The following PIEZO2 variants were observed in gnomAD, a reference collection of about 807,000 sequenced individuals.
The protein encoded by PIEZO2 is piezo-type mechanosensitive ion channel component 2.
A neutral mutation model predicts 337.3 loss-of-function variants in PIEZO2; 172 were observed. That is an observed-to-expected ratio of 0.51 (90% CI 0.45 to 0.58). The LOEUF (loss-of-function observed/expected upper bound fraction) is 0.58. Ranked by LOEUF, PIEZO2 falls within the 20% of genes least tolerant of loss-of-function variation. The pLI, the probability that PIEZO2 is intolerant of heterozygous loss-of-function variation, is 0.00. For missense variants in PIEZO2, 3,028 were observed against 3,391.3 expected (o/e 0.89, Z 2.66); for synonymous variants, 1,251 against 1,228.5 (o/e 1.02, Z -0.38).
At position 10,748,950 on chromosome 18, in the gene PIEZO2, T is replaced by A. The variant is rs1017178133; in HGVS notation, c.4265-320A>T. On this transcript the variant is annotated intron_variant, in intron 29 of 55. Coordinates refer to ENST00000674853, the MANE Select transcript of PIEZO2 (RefSeq NM_001378183.1). The surrounding 1 kb of genome is among the most constrained non-coding windows in gnomAD (Gnocchi z 5.1). ...TCCAACAAAGGCCACAGAGAAATAA[T>A]GTCCCAGTGCCAGTGGAAATGCTCT... Among the ~76,000 whole-genome samples, 38 of 152,156 alleles carry A rather than the reference T, an allele frequency of 2.5e-4. No homozygotes were observed. Among genetic ancestry groups the A allele is most frequent in the African/African-American group, 8.7e-4 (36 of 41,520 alleles).
In PIEZO2 at chr18:11,027,592, C is replaced by G. The variant is rs1438670802; in HGVS notation, c.160+38535G>C. On this transcript the variant is annotated intron_variant, in intron 2 of 55. Transcript: ENST00000674853. This position sits in a 1 kb window ranked among gnomAD's most constrained non-coding sequence, Gnocchi z 4.2. ...TCTGTATGCTTCTGTTTGGTTTTAA[C>G]TGTAGAAAATTTAATTTAAATAACT... is the stretch of plus-strand genomic sequence containing the variant. 6.6e-6 allele frequency among the ~76,000 whole-genome samples: 1 copy of G among 152,110 alleles called. No homozygotes were observed. Among genetic ancestry groups the G allele is most frequent in the Non-Finnish European group, 1.5e-5 (1 of 68,030 alleles).
chr18:10,724,547 C>G lies in PIEZO2; in HGVS notation c.5030-6288G>C, dbSNP rs1177121404. 2 of 543,694 alleles carry G rather than the reference C, an allele frequency of 3.7e-6. No homozygotes were observed. The highest frequency in any genetic ancestry group is 3.8e-5 in the African/African-American group (2 of 52,890). 33.7% of individuals were successfully genotyped at this position (543,694 alleles called of 1,614,324 possible). On this transcript the variant is annotated intron_variant, in intron 36 of 55. Coordinates refer to ENST00000674853, the MANE Select transcript of PIEZO2 (RefSeq NM_001378183.1). The surrounding 1 kb of genome is among the most constrained non-coding windows in gnomAD (Gnocchi z 5.8). Reference sequence around the variant, plus strand: ...CCACTCATGCTGGTCTCCACATACCCTTCTGTGTCCCCAGAAGTCGACAGT... The same window carrying G: ...CCACTCATGCTGGTCTCCACATACCGTTCTGTGTCCCCAGAAGTCGACAGT...
intron 1 of PIEZO2, among the ~76,000 whole-genome samples, chr18:11,089,118 C>T (rs953347951): frequency 6.6e-6 from 1 of 152,130 alleles, no homozygotes; most frequent in Non-Finnish European, 1.5e-5. Flanking sequence ...AGGTCAGAAT[C>T]TTTGGGGCGG....
intron 7 of PIEZO2, among the ~76,000 whole-genome samples, chr18:10,814,725 T>A (rs1273020634): frequency 6.6e-6 from 1 of 152,082 alleles, no homozygotes; most frequent in Non-Finnish European, 1.5e-5. Flanking sequence ...CATCCTGGGC[T>A]CCCTATGGGA....
At chr18:10,779,725 T>C (rs759093946) in intron 18 of PIEZO2, among the ~76,000 whole-genome samples, 15 of 152,210 alleles carry the variant, frequency 9.9e-5, no homozygotes, top group African/African-American at 1.4e-4. Context: ...AGCTATCAAA[T>C]ATCACTTCAT....
chr18:10,714,066 G>A (rs1485124174), intron 39 of PIEZO2, among the ~76,000 whole-genome samples: 7 of 152,126 alleles, frequency 4.6e-5, no homozygotes, highest in East Asian at 1.9e-4. Context: ...TTGCGGGTCC[G>A]CTTTTATATA....
chr18:10,948,294 T>C (rs2033128969), intron 3 of PIEZO2, among the ~76,000 whole-genome samples: 1 of 152,214 alleles, frequency 6.6e-6, no homozygotes, highest in African/African-American at 2.4e-5. Flanking sequence ...ATCTTTATAT[T>C]CTGACCAACA....
Position 10,677,847 on chromosome 18 carries a change from T to G in PIEZO2, c.7981A>C (p.Ile2661Leu). 6.2e-7 allele frequency: 1 copy of G among 1,600,346 alleles called. No homozygotes were observed. Among genetic ancestry groups the G allele is most frequent in the Non-Finnish European group, 8.5e-7 (1 of 1,176,994 alleles). The change falls in exon 53 of 56, where the codon ATA becomes CTA. Residue 2661 changes from isoleucine (I) to leucine (L), a missense_variant. By Grantham distance (5) the Ile-to-Leu change is conservative (BLOSUM62 2). Around this residue, in one of 5 missense-constraint regions of PIEZO2, gnomAD observed 332 missense variants for 363.8 expected, o/e 0.91. Coordinates refer to ENST00000674853, the MANE Select transcript of PIEZO2 (RefSeq NM_001378183.1). This position sits in a 1 kb window ranked among gnomAD's most constrained non-coding sequence, Gnocchi z 4.1. ...RNLSLGAKSE[I>L]ATDKLSFPLK... ...GGAAAAGAAAGCTTATCTGTTGCTA[T>G]TTCCGATTTTGCACCCAGACTTAAG...
At position 10,701,975 on chromosome 18, in the gene PIEZO2, T is replaced by A; in HGVS notation, c.6441+14A>T. The A allele has an allele frequency of 6.6e-7, 1 of 1,511,506 alleles. No individual in the cohort carries two copies. The highest frequency in any genetic ancestry group is 8.8e-7 in the Non-Finnish European group (1 of 1,137,848). The allele number at this position is 1,511,506 out of a possible 1,614,324, so 93.6% of individuals were successfully genotyped here. A position where few individuals can be genotyped will look rare whatever the true frequency, so the allele number is the denominator to read the frequency against. ...ATGACCAACTTGAACTGATTAATTG[T>A]TAACATGCAGTACCTTCAAAATTGA... is the stretch of plus-strand genomic sequence containing the variant. On this transcript the variant is annotated intron_variant, in intron 43 of 55. Transcript: ENST00000674853.
chr18:11,013,642 C>G (rs2035982097), intron 2 of PIEZO2, among the ~76,000 whole-genome samples: 1 of 152,284 alleles, frequency 6.6e-6, no homozygotes, highest in African/African-American at 2.4e-5. Flanking sequence ...AGCCGCTGCT[C>G]CTACCAGCAT....
chr18:10,681,620 T>G, intron 51 of PIEZO2, 41 bp downstream of exon 51: 130 of 1,461,914 alleles, frequency 8.9e-5, no homozygotes, highest in Non-Finnish European at 1.1e-4. Flanking sequence ...CTTCCCTAGA[T>G]GAGAGGTCTT....
rs2040863187 is a variant in PIEZO2 at position 11,148,414 on chromosome 18, C to T, written c.64+111G>A. ...ACAGCGCGCGTCTGACGCCGCTGGC[C>T]TCCCGAATCGAACCCCAGAGCACCA... On this transcript the variant is annotated intron_variant, in intron 1 of 55. Transcript: ENST00000674853. The surrounding 1 kb of genome is among the most constrained non-coding windows in gnomAD (Gnocchi z 5.2). The T allele has an allele frequency of 5.5e-6, 7 of 1,262,414 alleles. No individual in the cohort carries two copies. In the South Asian group the frequency reaches 9.4e-5, roughly 17 times the overall value. The allele number at this position is 1,262,414 out of a possible 1,614,324, so 78.2% of individuals were successfully genotyped here. A position where few individuals can be genotyped will look rare whatever the true frequency, so the allele number is the denominator to read the frequency against.
At chr18:11,121,420 G>T (rs897734961) in intron 1 of PIEZO2, among the ~76,000 whole-genome samples, 8 of 152,052 alleles carry the variant, frequency 5.3e-5, no homozygotes, top group African/African-American at 1.9e-4. Context: ...TTAAAAATTA[G>T]CTGGATGTGG....
chr18:10,831,208 C>T (rs80055155), intron 7 of PIEZO2, among the ~76,000 whole-genome samples: 2 of 152,084 alleles, frequency 1.3e-5, no homozygotes, highest in East Asian at 3.9e-4. Flanking sequence ...AGAAGTATAT[C>T]GAAGAGATCT....
chr18:10,792,839 G>A (rs1030210076), intron 13 of PIEZO2, among the ~76,000 whole-genome samples: 1 of 152,178 alleles, frequency 6.6e-6, no homozygotes, highest in Non-Finnish European at 1.5e-5. Context: ...TTAAAATTTT[G>A]AGGAATTGGC....
chr18:11,007,487 C>T (rs1362393657), intron 2 of PIEZO2, among the ~76,000 whole-genome samples: 3 of 152,128 alleles, frequency 2.0e-5, no homozygotes, highest in Non-Finnish European at 4.4e-5. Flanking sequence ...ACTCAGTCCT[C>T]AGCTCTTCCA....
intron 2 of PIEZO2, among the ~76,000 whole-genome samples, chr18:11,036,825 C>T (rs1177769665): frequency 6.6e-6 from 1 of 152,136 alleles, no homozygotes; most frequent in Non-Finnish European, 1.5e-5. Context: ...CAAACCAGGT[C>T]ACACACTGAC....
rs746454490 is a variant in PIEZO2 at position 10,807,135 on chromosome 18, G to A, written c.1057C>T (p.Arg353Cys). 2.3e-5 allele frequency: 35 copies of A among 1,536,514 alleles called. No homozygotes were observed. Among genetic ancestry groups the A allele is most frequent in the East Asian group, 4.9e-5 (2 of 40,916 alleles). Reference sequence around the variant, plus strand: ...ACAAGGGGCTCTTGCAGCCAGATGCGGATCAGAGTGGCCAGAGTGTAGTAC... The same window carrying A: ...ACAAGGGGCTCTTGCAGCCAGATGCAGATCAGAGTGGCCAGAGTGTAGTAC... ...VMYYTLATLI[R>C]IWLQEPLVQD... is the part of the protein sequence containing the mutation. Residue 353 changes from arginine (R) to cysteine (C), a missense_variant, in exon 8 of 56, where the codon CGC becomes TGC. Physicochemically the swap from Arg to Cys is radical, Grantham distance 180. Coordinates refer to ENST00000674853, the MANE Select transcript of PIEZO2 (RefSeq NM_001378183.1).
intron 1 of PIEZO2, among the ~76,000 whole-genome samples, chr18:11,108,147 A>G (rs1489626492): frequency 1.3e-5 from 2 of 152,210 alleles, no homozygotes; most frequent in African/African-American, 4.8e-5. Context: ...AGTAACATCA[A>G]TATGCTCTGC....
Sources: allele counts gnomAD v4.1 joint callset (sites outside exome capture counted in the v4.1 genomes callset), GRCh38; gene constraint gnomAD v4.1.1; regional missense constraint gnomAD v4.1.1; non-coding constraint Gnocchi (gnomAD v3.1); transcripts MANE v1.5; gene names NCBI Gene and HGNC (gene_info 2026-07-23, HGNC 2026-07-21).